The following RBPJ variants were observed in gnomAD, a reference collection of about 807,000 sequenced individuals.
RBPJ encodes recombination signal binding protein for immunoglobulin kappa J region.
Under a neutral mutation model 67.8 loss-of-function variants are expected in RBPJ, and 9 were observed. The observed-to-expected ratio is 0.13, with a 90% CI of 0.08 to 0.23. RBPJ has a LOEUF of 0.23. Ranked by LOEUF, RBPJ falls within the 10% of genes least tolerant of loss-of-function variation. RBPJ has a pLI of 1.00. For missense variants in RBPJ, 305 were observed against 595.6 expected, an observed-to-expected ratio of 0.51 and a Z score of 5.08; for synonymous variants, 198 against 203.3, an observed-to-expected ratio of 0.97 and a Z score of 0.22.
rs202024680 is a variant in RBPJ, at chr4:26,430,888, C to T, written c.1345C>T (p.Arg449Ter). The T allele has an allele frequency of 1.2e-6, 2 of 1,613,914 alleles. No homozygotes were observed. The highest frequency in any genetic ancestry group is 1.7e-5 in the Admixed American group (1 of 59,990). The part of the protein sequence containing the change: ...PHCSAAGAIL[R>*]ANSSQVPPNE... ...TTGCAGTGCAGCAGGAGCAATCCTT[C>T]GAGCCAATTCAAGCCAGGTGCCCCC... The change falls in exon 11 of 11, where the codon CGA becomes TGA. Residue 449 changes from arginine to a stop codon, truncating the protein, a stop_gained. Coordinates refer to ENST00000355476, the MANE Select transcript of RBPJ (RefSeq NM_015874.6). LOFTEE classifies it high-confidence loss of function. The surrounding 1 kb of genome is among the most constrained non-coding windows in gnomAD (Gnocchi z 4.1).
At chr4:26,253,390 C>G (rs1384875025) in intron 1 of RBPJ, among the ~76,000 whole-genome samples, 2 of 143,092 alleles carry the variant, frequency 1.4e-5, no homozygotes, top group Non-Finnish European at 3.0e-5. Context: ...CGGCTCACTG[C>G]AAGCTCCGCC....
intron 1 of RBPJ, chr4:26,322,346 G>T (rs1221349832): frequency 6.6e-6 from 1 of 152,182 alleles, no homozygotes; most frequent in Non-Finnish European, 1.5e-5. Flanking sequence ...GTGAGTGTTG[G>T]GGCGGAGAAT....
intron 1 of RBPJ, among the ~76,000 whole-genome samples, chr4:26,213,900 G>A (rs567641675): frequency 1.3e-5 from 2 of 152,142 alleles, no homozygotes; most frequent in African/African-American, 2.4e-5. Flanking sequence ...AAATAGATTC[G>A]ACAGGATTTG....
At chr4:26,239,415 T>C (rs1261291815) in intron 1 of RBPJ, among the ~76,000 whole-genome samples, 3 of 152,234 alleles carry the variant, frequency 2.0e-5, no homozygotes, top group Non-Finnish European at 4.4e-5. Context: ...ACACTTTGCA[T>C]TGAGCAGCAC....
At chr4:26,289,944 C>T (rs1286305540) in intron 1 of RBPJ, among the ~76,000 whole-genome samples, 1 of 150,502 alleles carries the variant, frequency 6.6e-6, no homozygotes, top group Non-Finnish European at 1.5e-5. Context: ...AGGTACCTAC[C>T]TGTAATATAA....
intron 1 of RBPJ, among the ~76,000 whole-genome samples, chr4:26,169,884 C>T (rs531094286): frequency 7.2e-5 from 11 of 152,300 alleles, no homozygotes; most frequent in Non-Finnish European, 7.3e-5. Context: ...GAGCCATGTG[C>T]GGGATATAAT....
chr4:26,172,657 C>T (rs905967285), intron 1 of RBPJ, among the ~76,000 whole-genome samples: 2 of 152,104 alleles, frequency 1.3e-5, no homozygotes, highest in African/African-American at 2.4e-5. Context: ...TAATATCTAC[C>T]TCATGGGGTT....
intron 2 of RBPJ, among the ~76,000 whole-genome samples, chr4:26,387,965 A>G (rs954553503): frequency 3.9e-5 from 6 of 152,166 alleles, no homozygotes; most frequent in African/African-American, 9.7e-5. Context: ...AACAAACTTA[A>G]TTGTGTACCA....
intron 1 of RBPJ, among the ~76,000 whole-genome samples, chr4:26,188,583 ATGCTTT>A (rs1266107027): frequency 1.4e-4 from 21 of 152,238 alleles, no homozygotes; most frequent in African/African-American, 5.1e-4. Context: ...AACTACATTA[ATGCTTT>A]TACCTTGTGG....
chr4:26,223,117 C>G (rs189097494), intron 1 of RBPJ, among the ~76,000 whole-genome samples: 57 of 149,092 alleles, frequency 3.8e-4, no homozygotes, highest in African/African-American at 1.4e-3. Context: ...ATTGCGCCAT[C>G]GCACTCCAGC....
At chr4:26,293,629 A>G (rs1290509251) in intron 1 of RBPJ, among the ~76,000 whole-genome samples, 1 of 150,620 alleles carries the variant, frequency 6.6e-6, no homozygotes, top group Non-Finnish European at 1.5e-5. Context: ...GAGTGAGACC[A>G]TGTCTCCAAA....
Position 26,434,102 on chromosome 4 carries a change from TTG to T in RBPJ, c.*3096_*3097del, listed in dbSNP as rs1736469364. Reference sequence around the variant, plus strand: ...AAGCCTTAAAAATGCCCTTTATATTTTGAGTGATTTCAGCGTTGAACACTAGT... The same window carrying T: ...AAGCCTTAAAAATGCCCTTTATATTTAGTGATTTCAGCGTTGAACACTAGT... On this transcript the variant is annotated 3_prime_UTR_variant, in exon 11 of 11. Coordinates refer to ENST00000355476, the MANE Select transcript of RBPJ (RefSeq NM_015874.6). 1 of 152,228 alleles carries T rather than the reference TTG, an allele frequency of 6.6e-6. No individual in the cohort carries two copies. The allele number at this position is 152,228 out of a possible 1,614,324, so 9.4% of individuals were successfully genotyped here. A position where few individuals can be genotyped will look rare whatever the true frequency, so the allele number is the denominator to read the frequency against.
In RBPJ at chr4:26,391,880, A is replaced by C. The variant is rs190454523; in HGVS notation, c.59+5489A>C. On this transcript the variant is annotated intron_variant, in intron 2 of 10. Coordinates refer to ENST00000355476, the MANE Select transcript of RBPJ (RefSeq NM_015874.6). ...TGGGTGGCTTATAAGCCACAAATTT[A>C]TGTCTCATAATTCTGGAGGCTGGGA... 3.9e-5 allele frequency among the ~76,000 whole-genome samples: 6 copies of C among 152,206 alleles called. No individual in the cohort carries two copies. The East Asian group carries it at 1.2e-3, about 29-fold the overall frequency.
intron 1 of RBPJ, among the ~76,000 whole-genome samples, chr4:26,355,048 C>T (rs1021596969): frequency 7.9e-5 from 12 of 151,932 alleles, no homozygotes; most frequent in African/African-American, 2.9e-4. Context: ...TTAATATTGT[C>T]TCCTGCCGTA....
chr4:26,162,013 T>G (rs1195034603), upstream of RBPJ, among the ~76,000 whole-genome samples: 2 of 152,248 alleles, frequency 1.3e-5, no homozygotes, highest in African/African-American at 4.8e-5. Flanking sequence ...TCACCTTTTC[T>G]GGGCATATGG....
At chr4:26,347,704 T>G (rs889698801) in intron 1 of RBPJ, among the ~76,000 whole-genome samples, 3 of 152,076 alleles carry the variant, frequency 2.0e-5, no homozygotes, top group Non-Finnish European at 4.4e-5. Context: ...GAAGATGGAA[T>G]AGGCTCGATA....
chr4:26,335,311 A>G (rs1724693226), intron 1 of RBPJ, among the ~76,000 whole-genome samples: 1 of 151,834 alleles, frequency 6.6e-6, no homozygotes, highest in Non-Finnish European at 1.5e-5. Context: ...CCTCCTGAGT[A>G]GCTGGGACTA....
chr4:26,240,462 A>C (rs1395660833), intron 1 of RBPJ, among the ~76,000 whole-genome samples: 1 of 152,204 alleles, frequency 6.6e-6, no homozygotes, highest in Admixed American at 6.5e-5. Context: ...GTCTGAACAT[A>C]TAATTATTAA....
chr4:26,297,535 T>TA (rs1193235353), intron 1 of RBPJ, among the ~76,000 whole-genome samples: 1 of 152,098 alleles, frequency 6.6e-6, no homozygotes, highest in Non-Finnish European at 1.5e-5. Flanking sequence ...CATTACCTGT[T>TA]ACCTTTTTTA....
Sources: allele counts gnomAD v4.1 joint callset (sites outside exome capture counted in the v4.1 genomes callset), GRCh38; gene constraint gnomAD v4.1.1; non-coding constraint Gnocchi (gnomAD v3.1); transcripts MANE v1.5; gene names NCBI Gene and HGNC (gene_info 2026-07-23, HGNC 2026-07-21).